The following FAR2 variants were observed in gnomAD, a reference collection of about 807,000 sequenced individuals.
FAR2 encodes fatty acyl-CoA reductase 2.
FAR2 carries 19 observed loss-of-function variants against 56.0 expected under a neutral mutation model. That is an observed-to-expected ratio of 0.34 (90% CI 0.24 to 0.50). The LOEUF is 0.50. Among genes scored for constraint, FAR2 ranks in the 20% least tolerant of loss-of-function variants. The probability of loss-of-function intolerance (pLI) is 0.98; values close to 1 mark genes in which losing one functional copy is unlikely to be tolerated. For missense variants in FAR2, 508 were observed against 642.2 expected, an observed-to-expected ratio of 0.79 and a Z score of 2.26; for synonymous variants, 219 against 218.8, an observed-to-expected ratio of 1.00 and a Z score of -0.01.
intron 1 of FAR2, among the ~76,000 whole-genome samples, chr12:29,237,966 T>C (rs1405080800): frequency 6.6e-6 from 1 of 152,166 alleles, no homozygotes. Flanking sequence ...AAGTGACCAA[T>C]GCACGATGTT....
intron 7 of FAR2, 42 bp downstream of exon 7, chr12:29,311,188 C>A (rs2136789623): frequency 7.3e-7 from 1 of 1,367,926 alleles, no homozygotes; most frequent in Non-Finnish European, 1.0e-6. Context: ...TCATGAGGGG[C>A]AGAGTGAATA....
At chr12:29,165,030 C>CT (rs1236792024) in intron 1 of FAR2, among the ~76,000 whole-genome samples, 1 of 152,068 alleles carries the variant, frequency 6.6e-6, no homozygotes, top group Non-Finnish European at 1.5e-5. Context: ...TTTTCACTTC[C>CT]TTTTTTGTGT....
intron 1 of FAR2, among the ~76,000 whole-genome samples, chr12:29,199,060 C>T (rs1173634827): frequency 6.6e-6 from 1 of 152,126 alleles, no homozygotes; most frequent in Admixed American, 6.5e-5. Context: ...AGGTAAAGGA[C>T]ATCAGCTCAG....
At chr12:29,162,476 T>C (rs558561360) in intron 1 of FAR2, among the ~76,000 whole-genome samples, 26 of 152,196 alleles carry the variant, frequency 1.7e-4, no homozygotes, top group Non-Finnish European at 2.9e-4. Flanking sequence ...GGCTGTTCAG[T>C]GTTAAGGTCA....
intron 1 of FAR2, among the ~76,000 whole-genome samples, chr12:29,227,410 T>G (rs1947786038): frequency 6.6e-6 from 1 of 152,240 alleles, no homozygotes; most frequent in Admixed American, 6.5e-5. Context: ...TATTATCTCT[T>G]TGACTCCTAA....
chr12:29,150,104 G>T (rs760411581), intron 1 of FAR2, among the ~76,000 whole-genome samples: 2 of 152,194 alleles, frequency 1.3e-5, no homozygotes, highest in Non-Finnish European at 2.9e-5. Flanking sequence ...GGGTGTGCAG[G>T]GGAGCAGGTG....
At chr12:29,280,133 C>A (rs1270498289) in intron 2 of FAR2, among the ~76,000 whole-genome samples, 2 of 152,126 alleles carry the variant, frequency 1.3e-5, no homozygotes, top group African/African-American at 4.8e-5. Flanking sequence ...CCATGTTGGC[C>A]AGGCTTGTCT....
At chr12:29,312,299 C>T (rs1035759352) in intron 8 of FAR2, among the ~76,000 whole-genome samples, 1 of 152,064 alleles carries the variant, frequency 6.6e-6, no homozygotes. Flanking sequence ...CTACACACAC[C>T]CCTTCCCTTC....
chr12:29,326,572 T>C (rs1443779955), intron 10 of FAR2, among the ~76,000 whole-genome samples: 1 of 151,726 alleles, frequency 6.6e-6, no homozygotes, highest in African/African-American at 2.4e-5. Context: ...GTGGGCTTCA[T>C]CCCTGGGATG....
chr12:29,304,582 T>C (rs79082300), intron 4 of FAR2, among the ~76,000 whole-genome samples: 2,450 of 152,216 alleles, frequency 0.016, 66 homozygotes, highest in African/African-American at 0.05. Context: ...AAATTGAGGG[T>C]ATCAGGGGAG....
intron 10 of FAR2, among the ~76,000 whole-genome samples, chr12:29,324,293 G>A (rs978543405): frequency 6.6e-6 from 1 of 152,152 alleles, no homozygotes; most frequent in Non-Finnish European, 1.5e-5. Flanking sequence ...GAAAGTGACG[G>A]GGAGAATGGA....
At chr12:29,293,735 G>A (rs990252531) in intron 3 of FAR2, among the ~76,000 whole-genome samples, 5 of 152,056 alleles carry the variant, frequency 3.3e-5, no homozygotes, top group Non-Finnish European at 7.4e-5. Flanking sequence ...CGAGAATGAT[G>A]TTTTGCAACC....
At chr12:29,242,257 A>T (rs1056445853) in intron 1 of FAR2, among the ~76,000 whole-genome samples, 3 of 152,216 alleles carry the variant, frequency 2.0e-5, no homozygotes, top group Non-Finnish European at 4.4e-5. Context: ...AGCTTCTTTA[A>T]AAAAATTATT....
At position 29,329,733 on chromosome 12, in the gene FAR2, TTTA is replaced by T. The variant is rs1318044021; in HGVS notation, c.1258-2863_1258-2861del. ...CTCTGGAACAATCGCATCTGCTCTC[TTTA>T]TTAATACTCCAAATCTCACAAAGGT... is the stretch of plus-strand genomic sequence containing the variant. On this transcript the variant is annotated intron_variant, in intron 10 of 11. Coordinates refer to ENST00000536681, the MANE Select transcript of FAR2 (RefSeq NM_001271783.2). Among the ~76,000 whole-genome samples, 4 of 152,342 alleles carry T rather than the reference TTTA, an allele frequency of 2.6e-5. No individual in the cohort carries two copies. In the South Asian group the frequency reaches 8.3e-4, roughly 32 times the overall value.
At chr12:29,269,778 T>A (rs543886885) in intron 1 of FAR2, among the ~76,000 whole-genome samples, 58 of 152,374 alleles carry the variant, frequency 3.8e-4, no homozygotes, top group Non-Finnish European at 7.2e-4. Flanking sequence ...TTTATTCCAG[T>A]ATTTTCTCTA....
At position 29,332,769 on chromosome 12, in the gene FAR2, G is replaced by A. The variant is rs180724609; in HGVS notation, c.1385+42G>A. On this transcript the variant is annotated intron_variant, in intron 11 of 11. Transcript: ENST00000536681. ...AGTTAATATTTATTGAGCACCTACT[G>A]TGCATCGACTTTATACCAGACATAA... is the stretch of plus-strand genomic sequence containing the variant. The A allele has an allele frequency of 6.8e-5, 106 of 1,561,044 alleles. No homozygotes were observed. The East Asian group carries it at 2.2e-3, about 32-fold the overall frequency.
intron 4 of FAR2, among the ~76,000 whole-genome samples, chr12:29,305,607 A>T (rs1412810653): frequency 1.3e-5 from 2 of 152,166 alleles, no homozygotes; most frequent in African/African-American, 2.4e-5. Flanking sequence ...GAATGAGTAT[A>T]ATTATTGCCA....
intron 1 of FAR2, among the ~76,000 whole-genome samples, chr12:29,170,892 T>A (rs1949879319): frequency 6.6e-6 from 1 of 152,260 alleles, no homozygotes; most frequent in African/African-American, 2.4e-5. Flanking sequence ...GACTGCCACC[T>A]CCTTGGGTTT....
chr12:29,158,745 A>G (rs1420032177), intron 1 of FAR2, among the ~76,000 whole-genome samples: 1 of 152,248 alleles, frequency 6.6e-6, no homozygotes, highest in Non-Finnish European at 1.5e-5. Flanking sequence ...GAGTGCAAAT[A>G]GCTTTGTCTT....
Sources: allele counts gnomAD v4.1 joint callset (sites outside exome capture counted in the v4.1 genomes callset), GRCh38; gene constraint gnomAD v4.1.1; transcripts MANE v1.5; gene names NCBI Gene and HGNC (gene_info 2026-07-23, HGNC 2026-07-21).